RARB: variants seen among roughly 807,000 people sequenced by gnomAD.
The protein encoded by RARB is retinoic acid receptor beta.
A neutral mutation model predicts 51.9 loss-of-function variants in RARB; 17 were observed. The ratio of observed to expected loss-of-function variants is 0.33; its 90% CI spans 0.22 to 0.49. RARB has a LOEUF of 0.49. RARB is among the 20% of genes least tolerant of loss of function. The probability of loss-of-function intolerance (pLI) is 0.99; values close to 1 mark genes in which losing one functional copy is unlikely to be tolerated. For missense variants in RARB, 369 were observed against 550.8 expected (o/e 0.67, Z 3.30); for synonymous variants, 215 against 195.4 (o/e 1.10, Z -0.84).
intron 3 of RARB, among the ~76,000 whole-genome samples, chr3:25,548,315 A>T (rs1462410073): frequency 1.3e-5 from 2 of 152,154 alleles, no homozygotes; most frequent in Non-Finnish European, 2.9e-5. Context: ...GGATACCCTG[A>T]TTGATTATCA....
intron 5 of RARB, among the ~76,000 whole-genome samples, chr3:25,261,505 A>T (rs886093126): frequency 6.6e-6 from 1 of 152,128 alleles, no homozygotes; most frequent in South Asian, 2.1e-4. Context: ...CAGTCTATCA[A>T]ATAGTCTATA....
At chr3:25,183,531 G>A (rs944885295) in intron 5 of RARB, among the ~76,000 whole-genome samples, 2 of 152,108 alleles carry the variant, frequency 1.3e-5, no homozygotes, top group African/African-American at 2.4e-5. Flanking sequence ...ATTGGAATCT[G>A]TGAGATTCTT....
At chr3:25,418,672 A>G (rs1290571502) in intron 5 of RARB, among the ~76,000 whole-genome samples, 1 of 152,114 alleles carries the variant, frequency 6.6e-6, no homozygotes, top group Non-Finnish European at 1.5e-5. Context: ...CAGCTATAGG[A>G]GAAGAGAGAT....
At chr3:24,983,520 C>A (rs965422378) in intron 2 of RARB, among the ~76,000 whole-genome samples, 5 of 152,116 alleles carry the variant, frequency 3.3e-5, no homozygotes, top group Admixed American at 3.3e-4. Context: ...TGTCCTAATG[C>A]TCTCCCTCCC....
chr3:25,373,770 A>G (rs1334783125), intron 5 of RARB, among the ~76,000 whole-genome samples: 1 of 152,152 alleles, frequency 6.6e-6, no homozygotes, highest in Non-Finnish European at 1.5e-5. Context: ...TTAAGAGCCC[A>G]TGTTCTTATG....
At chr3:25,099,772 T>C (rs944838818) in intron 3 of RARB, among the ~76,000 whole-genome samples, 2 of 152,264 alleles carry the variant, frequency 1.3e-5, no homozygotes, top group East Asian at 3.9e-4. Context: ...TCGGCAATCA[T>C]AGACCTGAAC....
chr3:25,068,688 A>G (rs1372991224), intron 3 of RARB, among the ~76,000 whole-genome samples: 4 of 152,168 alleles, frequency 2.6e-5, no homozygotes, highest in Non-Finnish European at 5.9e-5. Flanking sequence ...CCTATGGTGC[A>G]GTCCCTCAGC....
intron 3 of RARB, among the ~76,000 whole-genome samples, chr3:25,559,480 A>T (rs1280963690): frequency 6.6e-6 from 1 of 152,232 alleles, no homozygotes; most frequent in African/African-American, 2.4e-5. Context: ...CCCTTCTGAC[A>T]TCTAGCTCAG....
At chr3:25,383,635 A>G (rs772810147) in intron 5 of RARB, among the ~76,000 whole-genome samples, 3 of 152,202 alleles carry the variant, frequency 2.0e-5, no homozygotes, top group Admixed American at 6.5e-5. Flanking sequence ...TTTTAAATTA[A>G]GTTTTTAATT....
chr3:25,342,789 A>G lies in RARB; in HGVS notation c.179-118404A>G, dbSNP rs566360758. On this transcript the variant is annotated intron_variant, in intron 5 of 11. Coordinates refer to the RARB transcript ENST00000383772. Reference sequence around the variant, plus strand: ...TTTTTAATGATGCAAAAGCAGAAACAGAGACGGTAGGTAGCACAGCTTGGC... The same window carrying G: ...TTTTTAATGATGCAAAAGCAGAAACGGAGACGGTAGGTAGCACAGCTTGGC... Among the ~76,000 whole-genome samples, 5 of 152,282 alleles carry G rather than the reference A, an allele frequency of 3.3e-5. No individual in the cohort carries two copies. The South Asian group carries it at 6.2e-4, about 19-fold the overall frequency.
At position 25,563,315 on chromosome 3, in the gene RARB, A is replaced by G. The variant is rs572288682; in HGVS notation, c.449-6443A>G. The stretch of plus-strand genomic sequence containing the variant: ...GAATAACTTGATTCATTCAACACAT[A>G]CTCTTCGGCACCCTACCCTCAGCCT... On this transcript the variant is annotated intron_variant, in intron 3 of 7. Coordinates refer to ENST00000330688, the MANE Select transcript of RARB (RefSeq NM_000965.5). Among the ~76,000 whole-genome samples, 13 of 151,992 alleles carry G rather than the reference A, an allele frequency of 8.6e-5. 1 individual carries two copies. The South Asian group carries it at 2.7e-3, about 32-fold the overall frequency.
chr3:25,133,268 G>A (rs1233932286), intron 4 of RARB, among the ~76,000 whole-genome samples: 1 of 151,870 alleles, frequency 6.6e-6, no homozygotes, highest in African/African-American at 2.4e-5. Context: ...TTTCAATTCA[G>A]AATCACTGAT....
intron 5 of RARB, among the ~76,000 whole-genome samples, chr3:25,185,656 G>T (rs531986465): frequency 6.6e-6 from 1 of 152,156 alleles, no homozygotes; most frequent in East Asian, 1.9e-4. Context: ...TTATTAGAAT[G>T]CCAAAACAGG....
chr3:25,088,123 C>T (rs1398466796), intron 3 of RARB, among the ~76,000 whole-genome samples: 1 of 151,840 alleles, frequency 6.6e-6, no homozygotes, highest in Non-Finnish European at 1.5e-5. Context: ...GGATCTAAGG[C>T]AAGGGGTCAA....
At chr3:24,965,906 C>A (rs890476483) in intron 2 of RARB, among the ~76,000 whole-genome samples, 1 of 152,040 alleles carries the variant, frequency 6.6e-6, no homozygotes, top group Admixed American at 6.6e-5. Flanking sequence ...TTTGTCATTG[C>A]AAAACACTGA....
chr3:24,996,652 T>C (rs1339797121), intron 2 of RARB, among the ~76,000 whole-genome samples: 1 of 152,132 alleles, frequency 6.6e-6, no homozygotes, highest in African/African-American at 2.4e-5. Context: ...ATGTTGTGCT[T>C]CTATTTTCAT....
chr3:25,084,058 T>C (rs1487941064), intron 3 of RARB, among the ~76,000 whole-genome samples: 1 of 152,192 alleles, frequency 6.6e-6, no homozygotes, highest in Non-Finnish European at 1.5e-5. Flanking sequence ...CCTCTGGATA[T>C]GTATCTCAGT....
At chr3:25,176,346 C>CTTTCT (rs1575197603) in intron 5 of RARB, among the ~76,000 whole-genome samples, 15 of 48,092 alleles carry the variant, frequency 3.1e-4, no homozygotes, top group South Asian at 1.9e-3. Flanking sequence ...TCCTTCCTTC[C>CTTTCT]TTCCTTCCTT....
intron 2 of RARB, among the ~76,000 whole-genome samples, chr3:25,468,642 G>T (rs1057001560): frequency 6.6e-6 from 1 of 151,894 alleles, no homozygotes; most frequent in Non-Finnish European, 1.5e-5. Flanking sequence ...GGTTTCATAG[G>T]CCACCAAATT....
Sources: gnomAD v4.1 joint callset for allele counts (sites outside exome capture counted in the v4.1 genomes callset) on GRCh38, gnomAD v4.1.1 for gene constraint, MANE v1.5 for transcripts, NCBI Gene and HGNC (gene_info 2026-07-23, HGNC 2026-07-21) for gene names.